PAK3: variants seen among roughly 807,000 people sequenced by gnomAD.
PAK3 encodes p21 (RAC1) activated kinase 3.
A neutral mutation model predicts 41.0 loss-of-function variants in PAK3; 4 were observed. That is an observed-to-expected ratio of 0.10 (90% CI 0.05 to 0.22). PAK3 has a LOEUF of 0.22. Among genes scored for constraint, PAK3 ranks in the 10% least tolerant of loss-of-function variants. The pLI is 1.00. For synonymous variants in PAK3, 146 were observed against 139.6 expected (o/e 1.05, Z -0.32); for missense variants, 205 against 409.9 (o/e 0.50, Z 4.32).
chrX:111,019,865 G>A (rs2092151183), intron 1 of PAK3, among the ~76,000 whole-genome samples: 2 of 110,639 alleles, frequency 1.8e-5, no homozygotes, highest in South Asian at 7.8e-4. Flanking sequence ...CCTTACACCA[G>A]TAGGATGGCC....
chrX:111,022,115 T>C (rs1293968543), intron 1 of PAK3, among the ~76,000 whole-genome samples: 1 of 111,887 alleles, frequency 8.9e-6, no homozygotes, highest in Non-Finnish European at 1.9e-5. Flanking sequence ...GAGGGAACAA[T>C]TGAGGAAAAC....
chrX:111,148,031 A>T (rs972699607), intron 7 of PAK3, 141 bp downstream of exon 7: 2 of 487,850 alleles, frequency 4.1e-6, no homozygotes, highest in Admixed American at 7.2e-5. Context: ...AAACCAAAAA[A>T]TGAGTTGGAA....
intron 1 of PAK3, among the ~76,000 whole-genome samples, chrX:110,989,795 C>T (rs1304916834): frequency 2.7e-5 from 3 of 111,557 alleles, no homozygotes; most frequent in Non-Finnish European, 5.6e-5. Context: ...ATGCTGGCTG[C>T]CTCCCTTCTG....
At chrX:111,188,744 A>G (rs1296352099) in intron 11 of PAK3, among the ~76,000 whole-genome samples, 1 of 111,932 alleles carries the variant, frequency 8.9e-6, no homozygotes, top group African/African-American at 3.2e-5. Flanking sequence ...GATCTGGCAC[A>G]GGGCTAAATG....
In PAK3 at chrX:111,210,166, C is replaced by T. The variant is rs903838227; in HGVS notation, c.1408-6255C>T. On this transcript the variant is annotated intron_variant, in intron 16 of 17. Transcript: ENST00000372007. ...TATTTCTAACATTATAAATAAGGTC[C>T]GTAGGTTATGGGGCCTATATTGCCT... is the stretch of plus-strand genomic sequence containing the variant. Among the ~76,000 whole-genome samples, 4 of 111,631 alleles carry T rather than the reference C, an allele frequency of 3.6e-5. No individual in the cohort carries two copies. In the Admixed American group the frequency reaches 3.8e-4, roughly 11 times the overall value.
At chrX:111,064,808 C>T (rs1231969002) in intron 1 of PAK3, among the ~76,000 whole-genome samples, 1 of 112,163 alleles carries the variant, frequency 8.9e-6, no homozygotes, top group Non-Finnish European at 1.9e-5. Context: ...TGGATATATA[C>T]CCAGTAATGG....
At chrX:111,173,208 G>T (rs1474068493) in intron 11 of PAK3, 127 bp downstream of exon 11, 3 of 477,324 alleles carry the variant, frequency 6.3e-6, no homozygotes, top group Non-Finnish European at 7.5e-6. Flanking sequence ...TTTATGTCTT[G>T]CATTCTCAGT....
At chrX:111,141,806 A>T (rs2093876818) in intron 5 of PAK3, among the ~76,000 whole-genome samples, 1 of 112,254 alleles carries the variant, frequency 8.9e-6, no homozygotes, top group Non-Finnish European at 1.9e-5. Context: ...AGTTAAACAC[A>T]ATATCCCTAG....
At chrX:110,971,617 T>A (rs953866110) in intron 1 of PAK3, among the ~76,000 whole-genome samples, 1 of 111,861 alleles carries the variant, frequency 8.9e-6, no homozygotes, top group Non-Finnish European at 1.9e-5. Context: ...TTTTCTCCCA[T>A]CCTGTGGGTT....
In PAK3 at chrX:110,969,094, A is replaced by ATTTTTTTTTTTTTTTTTTT. The variant is rs60724970; in HGVS notation, c.-28+24473_-28+24491dup. Among the ~76,000 whole-genome samples the ATTTTTTTTTTTTTTTTTTT allele has an allele frequency of 2.9e-3, 118 of 40,609 alleles. 2 individuals are homozygous for ATTTTTTTTTTTTTTTTTTT. The highest frequency in any genetic ancestry group is 4.1e-3 in the South Asian group (1 of 241). The allele number at this position is 40,609 out of a possible 115,157, so 35.3% of individuals were successfully genotyped here. A position where few individuals can be genotyped will look rare whatever the true frequency, so the allele number is the denominator to read the frequency against. ...AGGCATGTGCTACCAGACCTGCCTA[A>ATTTTTTTTTTTTTTTTTTT]TTTTTTTTTTTTTTTTTTTTTTTTT... is the stretch of plus-strand genomic sequence containing the variant. On this transcript the variant is annotated intron_variant, in intron 1 of 14. Coordinates refer to the PAK3 transcript ENST00000425146.
chrX:111,008,488 G>A (rs2091965721), intron 1 of PAK3, among the ~76,000 whole-genome samples: 1 of 112,844 alleles, frequency 8.9e-6, no homozygotes, highest in South Asian at 3.7e-4. Flanking sequence ...TGAGGGCGGA[G>A]GCCCTATCCT....
intron 10 of PAK3, among the ~76,000 whole-genome samples, chrX:111,167,933 T>C (rs766508178): frequency 9.0e-6 from 1 of 111,292 alleles, no homozygotes; most frequent in Non-Finnish European, 1.9e-5. Context: ...GTCAGTAAAG[T>C]TGTGTAATAC....
In PAK3 at chrX:111,221,886, A is replaced by C. The variant is rs1467269447; in HGVS notation, c.*1439A>C. 1 of 112,181 alleles carries C rather than the reference A, an allele frequency of 8.9e-6. No homozygotes were observed. Among genetic ancestry groups the C allele is most frequent in the Non-Finnish European group, 1.9e-5 (1 of 53,213 alleles). The allele number at this position is 112,181 out of a possible 1,213,427, so 9.2% of individuals were successfully genotyped here. ...TTACAATCATATCCCAAGAAATGTC[A>C]GTCCGACAGAATTCCTTATATGACT... is the stretch of plus-strand genomic sequence containing the variant. On this transcript the variant is annotated 3_prime_UTR_variant, in exon 18 of 18. Coordinates refer to ENST00000372007, the MANE Select transcript of PAK3 (RefSeq NM_002578.5).
intron 3 of PAK3, among the ~76,000 whole-genome samples, chrX:111,099,079 T>C (rs2093069769): frequency 8.9e-6 from 1 of 111,801 alleles, no homozygotes; most frequent in Admixed American, 9.4e-5. Flanking sequence ...TGCTTCAGCC[T>C]CGGATCAAAT....
chrX:111,103,010 AGT>A lies in PAK3; in HGVS notation c.-175-132_-175-131del, dbSNP rs370767662. 3.0e-3 allele frequency: 327 copies of A among 109,628 alleles called. 3 individuals are homozygous for A. The highest frequency in any genetic ancestry group is 9.9e-3 in the African/African-American group (295 of 29,869). The allele number at this position is 109,628 out of a possible 1,213,427, so 9.0% of individuals were successfully genotyped here. A position where few individuals can be genotyped will look rare whatever the true frequency, so the allele number is the denominator to read the frequency against. ...GAGAGATTGAGAAAGAGAGAGAGAG[AGT>A]GTGTGTGTGTGTGTGTATGAGAGAG... On this transcript the variant is annotated intron_variant, in intron 3 of 17. Transcript: ENST00000372007.
rs143117570 is a variant in PAK3, at chrX:110,964,207, G to A, written c.-28+19579G>A. Among the ~76,000 whole-genome samples the A allele has an allele frequency of 2.0e-3, 229 of 111,840 alleles. 1 individual carries two copies. The highest frequency in any genetic ancestry group is 7.1e-3 in the African/African-American group (219 of 30,792). ...TGACTTGATTGCCATCATACCCCTA[G>A]CAATCGATGAAGCTAAGGTTTGAAC... On this transcript the variant is annotated intron_variant, in intron 1 of 14. Coordinates refer to the PAK3 transcript ENST00000425146.
chrX:111,116,507 A>T (rs1216767781), intron 4 of PAK3, among the ~76,000 whole-genome samples: 1 of 112,107 alleles, frequency 8.9e-6, no homozygotes, highest in Non-Finnish European at 1.9e-5. Flanking sequence ...GAGGCTTAAG[A>T]AGTCATTTGA....
At position 110,988,812 on chromosome X, in the gene PAK3, G is replaced by T. The variant is rs140591403; in HGVS notation, c.-28+44184G>T. Among the ~76,000 whole-genome samples, 447 of 111,877 alleles carry T rather than the reference G, an allele frequency of 4.0e-3. 2 individuals carry two copies. Among genetic ancestry groups the T allele is most frequent in the Non-Finnish European group, 6.0e-3 (319 of 53,179 alleles). ...GTAAGGGCAAGTTAGGGAGGCGGCTGCAGGTATCAGGCTAATGGCATTGAC... is the reference window on the plus strand; with the variant it reads ...GTAAGGGCAAGTTAGGGAGGCGGCTTCAGGTATCAGGCTAATGGCATTGAC... On this transcript the variant is annotated intron_variant, in intron 1 of 14. Coordinates refer to the PAK3 transcript ENST00000425146.
At chrX:110,971,073 G>T (rs1396460428) in intron 1 of PAK3, among the ~76,000 whole-genome samples, 2 of 112,265 alleles carry the variant, frequency 1.8e-5, no homozygotes, top group Non-Finnish European at 3.8e-5. Flanking sequence ...TTTAGCTTTA[G>T]TTTTTAAAAA....
Sources: gnomAD v4.1 joint callset for allele counts (sites outside exome capture counted in the v4.1 genomes callset) on GRCh38, gnomAD v4.1.1 for gene constraint, MANE v1.5 for transcripts, NCBI Gene and HGNC (gene_info 2026-07-23, HGNC 2026-07-21) for gene names.